USP24: variants seen among roughly 807,000 people sequenced by gnomAD.
USP24 encodes ubiquitin carboxyl-terminal hydrolase 24.
Under a neutral mutation model 361.6 loss-of-function variants are expected in USP24, and 97 were observed. The observed-to-expected ratio is 0.27, with a 90% CI of 0.23 to 0.32. The LOEUF is 0.32. Ranked by LOEUF, USP24 falls within the 10% of genes least tolerant of loss-of-function variation. The pLI is 1.00. For synonymous variants in USP24, 1,098 were observed against 1,124.6 expected, an observed-to-expected ratio of 0.98 and a Z score of 0.47; for missense variants, 2,353 against 3,165.6, an observed-to-expected ratio of 0.74 and a Z score of 6.16.
intron 42 of USP24, among the ~76,000 whole-genome samples, chr1:55,102,421 T>C (rs535852279): frequency 6.6e-6 from 1 of 152,156 alleles, no homozygotes; most frequent in Non-Finnish European, 1.5e-5. Flanking sequence ...CTTCTTCAAG[T>C]GGAAAAGGAT....
At chr1:55,197,731 C>A (rs1479285814) in intron 1 of USP24, among the ~76,000 whole-genome samples, 1 of 152,172 alleles carries the variant, frequency 6.6e-6, no homozygotes, top group Non-Finnish European at 1.5e-5. Flanking sequence ...ACAACATCCC[C>A]AACAATATCC....
chr1:55,096,159 A>C (rs529000782), intron 50 of USP24, among the ~76,000 whole-genome samples: 6 of 152,350 alleles, frequency 3.9e-5, no homozygotes, highest in Middle Eastern at 3.4e-3. Flanking sequence ...AGGAAATCTG[A>C]AAATTTTAAT....
At chr1:55,111,462 TA>T (rs1187458610) in intron 38 of USP24, among the ~76,000 whole-genome samples, 1 of 152,110 alleles carries the variant, frequency 6.6e-6, no homozygotes, top group Non-Finnish European at 1.5e-5. Context: ...TTTAACTTCT[TA>T]AAAATGGCTT....
At chr1:55,100,773 C>T in intron 44 of USP24, 66 bp downstream of exon 44, 1 of 1,469,574 alleles carries the variant, frequency 6.8e-7, no homozygotes, top group Non-Finnish European at 9.0e-7. Context: ...AAACCATTAC[C>T]ATTAGAGAAA....
intron 38 of USP24, among the ~76,000 whole-genome samples, chr1:55,114,635 C>G (rs551888707): frequency 6.6e-6 from 1 of 152,294 alleles, no homozygotes; most frequent in South Asian, 2.1e-4. Flanking sequence ...CAAAAACAAG[C>G]AATGGGGAAA....
chr1:55,211,678 G>C (rs1644849916), intron 1 of USP24, among the ~76,000 whole-genome samples: 1 of 152,154 alleles, frequency 6.6e-6, no homozygotes, highest in Non-Finnish European at 1.5e-5. Context: ...AGACCCACTA[G>C]AATGTAAACA....
intron 3 of USP24, 28 bp downstream of exon 3, chr1:55,176,348 A>C (rs1246092137): frequency 1.3e-6 from 2 of 1,550,530 alleles, no homozygotes; most frequent in South Asian, 2.4e-5. Context: ...GACACACACA[A>C]AATATCACAG....
intron 19 of USP24, among the ~76,000 whole-genome samples, chr1:55,146,457 T>C (rs1647032152): frequency 6.6e-6 from 1 of 152,202 alleles, no homozygotes; most frequent in Admixed American, 6.5e-5. Context: ...TCAAATAAGA[T>C]GAGGAAAATG....
At chr1:55,128,801 A>C (rs1570481741) in intron 32 of USP24, among the ~76,000 whole-genome samples, 1 of 136,062 alleles carries the variant, frequency 7.3e-6, no homozygotes, top group African/African-American at 2.8e-5. Context: ...TGCAACTTCC[A>C]CCTCCCGGGC....
intron 67 of USP24, among the ~76,000 whole-genome samples, chr1:55,069,623 T>A (rs953531271): frequency 2.6e-5 from 4 of 151,114 alleles, no homozygotes; most frequent in Non-Finnish European, 5.9e-5. Context: ...AAGGACAGTC[T>A]CTCTAAAGTG....
rs957145510 is a variant in USP24, at chr1:55,068,026, A to G, written c.*1019T>C. 2.0e-5 allele frequency: 3 copies of G among 152,252 alleles called. No homozygotes were observed. Among genetic ancestry groups the G allele is most frequent in the East Asian group, 1.9e-4 (1 of 5,204 alleles). The allele number at this position is 152,252 out of a possible 1,614,324, so 9.4% of individuals were successfully genotyped here. A position where few individuals can be genotyped will look rare whatever the true frequency, so the allele number is the denominator to read the frequency against. ...TCTCAAATTCCTTCTCTGCATTACA[A>G]TAACTATGAAACTCACAAGCAGTGT... On this transcript the variant is annotated 3_prime_UTR_variant, in exon 68 of 68. Coordinates refer to ENST00000294383, the MANE Select transcript of USP24 (RefSeq NM_015306.3).
chr1:55,126,930 G>A (rs981071500), intron 32 of USP24, among the ~76,000 whole-genome samples: 5 of 152,246 alleles, frequency 3.3e-5, no homozygotes, highest in South Asian at 4.2e-4. Flanking sequence ...TCCAACTGCA[G>A]TACAAGTTGA....
chr1:55,199,771 G>T (rs900938284), intron 1 of USP24, among the ~76,000 whole-genome samples: 1 of 152,066 alleles, frequency 6.6e-6, no homozygotes, highest in Admixed American at 6.5e-5. Flanking sequence ...TAAAAACTTG[G>T]AAAAAATATA....
intron 1 of USP24, among the ~76,000 whole-genome samples, chr1:55,183,410 GATAAA>G (rs1478178335): frequency 6.6e-6 from 1 of 152,090 alleles, no homozygotes; most frequent in Non-Finnish European, 1.5e-5. Flanking sequence ...AAGCAAATGT[GATAAA>G]ATGTTAATAT....
chr1:55,074,255 T>G (rs749398175), intron 63 of USP24, among the ~76,000 whole-genome samples: 6 of 152,172 alleles, frequency 3.9e-5, no homozygotes, highest in Non-Finnish European at 7.3e-5. Flanking sequence ...CTGAGAGTAG[T>G]TCTAGTACTT....
At chr1:55,163,999 T>C (rs1405396143) in intron 7 of USP24, among the ~76,000 whole-genome samples, 2 of 152,128 alleles carry the variant, frequency 1.3e-5, no homozygotes, top group Non-Finnish European at 2.9e-5. Flanking sequence ...TCAGAAATAG[T>C]TGCACGTACA....
intron 9 of USP24, 109 bp downstream of exon 9, chr1:55,159,502 G>C: frequency 1.1e-6 from 1 of 869,648 alleles, no homozygotes; most frequent in Non-Finnish European, 1.8e-6. Flanking sequence ...CGATGTGAAT[G>C]CATGTGACCA....
intron 1 of USP24, among the ~76,000 whole-genome samples, chr1:55,179,064 T>G (rs1474864448): frequency 2.0e-5 from 3 of 152,200 alleles, no homozygotes; most frequent in Non-Finnish European, 4.4e-5. Flanking sequence ...CACCCCAATC[T>G]GGATTCCAGA....
intron 28 of USP24, among the ~76,000 whole-genome samples, chr1:55,134,910 C>G (rs1646691630): frequency 6.6e-6 from 1 of 152,054 alleles, no homozygotes; most frequent in Admixed American, 6.5e-5. Context: ...ATGGTTATAA[C>G]TGCATAAAAG....
Sources: allele counts gnomAD v4.1 joint callset (sites outside exome capture counted in the v4.1 genomes callset), GRCh38; gene constraint gnomAD v4.1.1; transcripts MANE v1.5; gene names NCBI Gene and HGNC (gene_info 2026-07-23, HGNC 2026-07-21).